Variants in LRRC8A observed in about 807,000 individuals in gnomAD.
LRRC8A encodes volume-regulated anion channel subunit LRRC8A.
In LRRC8A, 24 loss-of-function variants were observed where a neutral mutation model predicts 52.5. That is an observed-to-expected ratio of 0.46 (90% confidence interval 0.33 to 0.64). The LOEUF (loss-of-function observed/expected upper bound fraction) is 0.64, where lower values mean the gene tolerates loss of function less well. Ranked by LOEUF, LRRC8A falls within the 30% of genes least tolerant of loss-of-function variation. The probability of loss-of-function intolerance (pLI) is 0.02; values close to 1 mark genes in which losing one functional copy is unlikely to be tolerated. For synonymous variants in LRRC8A, 492 were observed against 494.2 expected (o/e 1.00, Z 0.06); for missense variants, 677 against 1,094.7 (o/e 0.62, Z 5.38).
intron 2 of LRRC8A, among the ~76,000 whole-genome samples, chr9:128,906,097 G>A (rs978460387): frequency 1.3e-5 from 2 of 152,182 alleles, no homozygotes; most frequent in Admixed American, 1.3e-4. Flanking sequence ...TCTTCCGAGT[G>A]TTCCCAGAAT....
chr9:128,908,124 C>T lies in LRRC8A; in HGVS notation c.960C>T (p.Ile320=). 1 of 1,614,034 alleles carries T rather than the reference C, an allele frequency of 6.2e-7. No homozygotes were observed. Among genetic ancestry groups the T allele is most frequent in the Non-Finnish European group, 8.5e-7 (1 of 1,180,032 alleles). The change falls in exon 3 of 4, where the codon ATC becomes ATT. Residue 320 remains isoleucine, a synonymous_variant. Coordinates refer to ENST00000372600, the MANE Select transcript of LRRC8A (RefSeq NM_019594.4). ...CAHPLATLFK[I]LASFYISLVI... is the part of the protein sequence containing the mutation. ...ACCCCCTGGCCACACTCTTCAAGAT[C>T]CTGGCGTCCTTCTACATCAGCCTAG...
chr9:128,888,022 G>A (rs1839465513), intron 2 of LRRC8A, among the ~76,000 whole-genome samples: 1 of 152,104 alleles, frequency 6.6e-6, no homozygotes, highest in South Asian at 2.1e-4. Flanking sequence ...AGCCCCCCTG[G>A]CCCCTCCCCC....
At chr9:128,912,228 G>T (rs1840578345) in intron 3 of LRRC8A, among the ~76,000 whole-genome samples, 1 of 152,158 alleles carries the variant, frequency 6.6e-6, no homozygotes, top group Non-Finnish European at 1.5e-5. Context: ...TGGCCTTTGT[G>T]CAGATGTTTT....
At chr9:128,893,007 C>G (rs1839685160) in intron 2 of LRRC8A, among the ~76,000 whole-genome samples, 2 of 152,216 alleles carry the variant, frequency 1.3e-5, no homozygotes, top group Non-Finnish European at 2.9e-5. Flanking sequence ...CACATGGGGT[C>G]TGGTGCGTGC....
chr9:128,916,192 G>A lies in LRRC8A; in HGVS notation c.2254G>A (p.Glu752Lys), dbSNP rs200535573. The change falls in exon 4 of 4, where the codon GAG becomes AAG. Residue 752 changes from glutamate to lysine, a missense_variant. Glu to Lys is a moderately conservative substitution (Grantham distance 56). Transcript: ENST00000372600. The surrounding 1 kb of genome is among the most constrained non-coding windows in gnomAD (Gnocchi z 6.1). ...VLQSLPSRVG[E>K]LTNLTQIELR... Reference sequence around the variant, plus strand: ...GCAGTCACTGCCCTCCAGGGTGGGCGAGCTGACCAACCTGACGCAGATCGA... The same window carrying A: ...GCAGTCACTGCCCTCCAGGGTGGGCAAGCTGACCAACCTGACGCAGATCGA... 2.9e-5 allele frequency: 47 copies of A among 1,613,330 alleles called. No individual in the cohort carries two copies. The highest frequency in any genetic ancestry group is 4.0e-5 in the African/African-American group (3 of 75,048).
At chr9:128,882,361 G>T (rs1017846797) in intron 1 of LRRC8A, 111 bp downstream of exon 1, 1 of 204,224 alleles carries the variant, frequency 4.9e-6, no homozygotes, top group African/African-American at 2.3e-5. Flanking sequence ...CTGGGGCTCT[G>T]TCTCCGGGCC....
chr9:128,906,806 C>T (rs984801948), intron 2 of LRRC8A, among the ~76,000 whole-genome samples: 9 of 152,156 alleles, frequency 5.9e-5, no homozygotes, highest in Admixed American at 2.6e-4. Context: ...AATAGGTGGA[C>T]TTTAGAAAGG....
chr9:128,903,373 G>A (rs554611191), intron 2 of LRRC8A, among the ~76,000 whole-genome samples: 1 of 152,050 alleles, frequency 6.6e-6, no homozygotes, highest in South Asian at 2.1e-4. Context: ...AGAAAGATTG[G>A]GGCTGGGGAG....
chr9:128,916,090 C>T lies in LRRC8A; in HGVS notation c.2158-6C>T. 6.3e-7 allele frequency: 1 copy of T among 1,596,346 alleles called. No homozygotes were observed. The highest frequency in any genetic ancestry group is 8.6e-7 in the Non-Finnish European group (1 of 1,168,294). ...CTCACTCTCACCCCTGCTTTTTTCCCTCCAGATCGAGACGCTCCCTCCGGA... is the reference window on the plus strand; with the variant it reads ...CTCACTCTCACCCCTGCTTTTTTCCTTCCAGATCGAGACGCTCCCTCCGGA... On this transcript the variant is annotated splice_region_variant and splice_polypyrimidine_tract_variant and intron_variant, in intron 3 of 3. Coordinates refer to ENST00000372600, the MANE Select transcript of LRRC8A (RefSeq NM_019594.4). This position sits in a 1 kb window ranked among gnomAD's most constrained non-coding sequence, Gnocchi z 6.1.
rs966039497 is a variant in LRRC8A, at chr9:128,908,346, G to T, written c.1182G>T (p.Leu394=). 55 of 1,613,982 alleles carry T rather than the reference G, an allele frequency of 3.4e-5. No homozygotes were observed. Among genetic ancestry groups the T allele is most frequent in the Non-Finnish European group, 4.6e-5 (54 of 1,180,044 alleles). Residue 394 remains leucine, a synonymous_variant, in exon 3 of 4, where the codon CTG becomes CTT. Transcript: ENST00000372600. ...PLYSKRFAVF[L]SEVSENKLRQ... ...ACTCCAAGCGCTTCGCCGTCTTCCT[G>T]TCGGAGGTGAGTGAGAACAAGCTGC...
At chr9:128,898,539 C>A (rs1356417388) in intron 2 of LRRC8A, among the ~76,000 whole-genome samples, 1 of 152,248 alleles carries the variant, frequency 6.6e-6, no homozygotes, top group Non-Finnish European at 1.5e-5. Context: ...GTTGCTCTGG[C>A]AGGGCTGGGC....
In LRRC8A at chr9:128,910,721, T is replaced by C. The variant is rs55751887; in HGVS notation, c.2157+1400T>C. Among the ~76,000 whole-genome samples the C allele has an allele frequency of 7.5e-3, 1,146 of 152,238 alleles. 12 individuals are homozygous for C. The highest frequency in any genetic ancestry group is 0.027 in the African/African-American group (1,104 of 41,530). On this transcript the variant is annotated intron_variant, in intron 3 of 3. Coordinates refer to ENST00000372600, the MANE Select transcript of LRRC8A (RefSeq NM_019594.4). ...AAATGAAGAGCCCTGGAGCCGGCCA[T>C]TGAAACATGGGGTTTATTTGGGGGA...
intron 2 of LRRC8A, among the ~76,000 whole-genome samples, chr9:128,897,633 C>G (rs749518671): frequency 3.9e-5 from 6 of 152,044 alleles, no homozygotes; most frequent in Non-Finnish European, 7.4e-5. Flanking sequence ...CAGTCTCCGC[C>G]TCCTGGGTTC....
chr9:128,912,510 G>C (rs947944324), intron 3 of LRRC8A, among the ~76,000 whole-genome samples: 1 of 141,310 alleles, frequency 7.1e-6, no homozygotes, highest in African/African-American at 2.5e-5. Context: ...GCTATGGGGG[G>C]GGGTGTGGAT....
At chr9:128,904,499 CAG>C (rs1159128270) in intron 2 of LRRC8A, among the ~76,000 whole-genome samples, 5 of 151,968 alleles carry the variant, frequency 3.3e-5, no homozygotes, top group African/African-American at 9.7e-5. Flanking sequence ...GCCTGGGTGA[CAG>C]AGCAATACTC....
At position 128,899,113 on chromosome 9, in the gene LRRC8A, C is replaced by T. The variant is rs538042868; in HGVS notation, c.-8-8044C>T. ...TCCAGGCTGGGCAGAGGCCTGGGCG[C>T]ACCCACCCCTTGGCCCATTTTTTAC... On this transcript the variant is annotated intron_variant, in intron 2 of 3. Coordinates refer to ENST00000372600, the MANE Select transcript of LRRC8A (RefSeq NM_019594.4). This position sits in a 1 kb window ranked among gnomAD's most constrained non-coding sequence, Gnocchi z 4.0. Among the ~76,000 whole-genome samples the T allele has an allele frequency of 1.3e-5, 2 of 152,194 alleles. No homozygotes were observed. Among genetic ancestry groups the T allele is most frequent in the Non-Finnish European group, 2.9e-5 (2 of 68,036 alleles).
chr9:128,908,487 T>C lies in LRRC8A; in HGVS notation c.1323T>C (p.Thr441=). Reference sequence around the variant, plus strand: ...TCATGCTCAGTGGCATCCCTGACACTGTGTTTGACCTGGTGGAGCTGGAGG... The same window carrying C: ...TCATGCTCAGTGGCATCCCTGACACCGTGTTTGACCTGGTGGAGCTGGAGG... ...HLFMLSGIPD[T]VFDLVELEVL... The change falls in exon 3 of 4, where the codon ACT becomes ACC. Residue 441 remains threonine (T), a synonymous_variant. Coordinates refer to ENST00000372600, the MANE Select transcript of LRRC8A (RefSeq NM_019594.4). 6.2e-7 allele frequency: 1 copy of C among 1,612,852 alleles called. No individual in the cohort carries two copies. The highest frequency in any genetic ancestry group is 1.1e-5 in the South Asian group (1 of 91,070).
intron 3 of LRRC8A, among the ~76,000 whole-genome samples, chr9:128,913,379 G>C (rs1283078196): frequency 2.0e-5 from 3 of 152,154 alleles, no homozygotes; most frequent in Non-Finnish European, 4.4e-5. Context: ...GTGCCGATGG[G>C]GACCCACTGA....
Position 128,916,536 on chromosome 9 carries a change from C to A in LRRC8A, c.*165C>A. 1.2e-6 allele frequency: 1 copy of A among 855,348 alleles called. No homozygotes were observed. The highest frequency in any genetic ancestry group is 1.7e-6 in the Non-Finnish European group (1 of 571,954). 53.0% of individuals were successfully genotyped at this position (855,348 alleles called of 1,614,324 possible). On this transcript the variant is annotated 3_prime_UTR_variant, in exon 4 of 4. Coordinates refer to ENST00000372600, the MANE Select transcript of LRRC8A (RefSeq NM_019594.4). This position sits in a 1 kb window ranked among gnomAD's most constrained non-coding sequence, Gnocchi z 6.1. ...TCAGGCCAGAGCGAGAGGACAGTAT[C>A]TGTGGGGCTGGCCCCTTTTCTCCCT...
Sources: gnomAD v4.1 joint callset for allele counts (sites outside exome capture counted in the v4.1 genomes callset) on GRCh38, gnomAD v4.1.1 for gene constraint, Gnocchi (gnomAD v3.1) non-coding constraint, MANE v1.5 for transcripts, NCBI Gene and HGNC (gene_info 2026-07-23, HGNC 2026-07-21) for gene names.